The following GPRIN3 variants were observed in gnomAD, a reference collection of about 807,000 sequenced individuals.
The protein encoded by GPRIN3 is G protein-regulated inducer of neurite outgrowth 3.
A neutral mutation model predicts 13.7 loss-of-function variants in GPRIN3; 12 were observed. That is an observed-to-expected ratio of 0.87 (90% CI 0.56 to 1.42). The LOEUF (loss-of-function observed/expected upper bound fraction) is 1.42. GPRIN3 is among the 40% of genes most tolerant of loss of function. The pLI is 0.00. For synonymous variants in GPRIN3, 377 were observed against 372.7 expected (o/e 1.01, Z -0.13); for missense variants, 1,009 against 958.7 (o/e 1.05, Z -0.69).
chr4:89,305,837 T>C (rs1725019888), intron 1 of GPRIN3, among the ~76,000 whole-genome samples: 1 of 152,228 alleles, frequency 6.6e-6, no homozygotes, highest in African/African-American at 2.4e-5. Flanking sequence ...TGCCCTCCAA[T>C]TGACACTGAT....
Position 89,247,976 on chromosome 4 carries a change from T to C in GPRIN3, c.2135A>G (p.His712Arg). Residue 712 changes from histidine to arginine, a missense_variant, in exon 2 of 2, where the codon CAT (histidine) becomes CGT (arginine). Physicochemically the swap from His to Arg is conservative, Grantham distance 29. Transcript: ENST00000609438. ...AESLGIAIQN[H>R]LQRQIREHEK... is the part of the protein sequence containing the mutation. Reference sequence around the variant, plus strand: ...ATGTTCCCTGATTTGTCTTTGCAAATGGTTCTGGATCGCGATTCCCAGGGA... The same window carrying C: ...ATGTTCCCTGATTTGTCTTTGCAAACGGTTCTGGATCGCGATTCCCAGGGA... 6.2e-7 allele frequency: 1 copy of C among 1,614,174 alleles called. No individual in the cohort carries two copies. Among genetic ancestry groups the C allele is most frequent in the Non-Finnish European group, 8.5e-7 (1 of 1,180,014 alleles).
In GPRIN3 at chr4:89,241,351, T is replaced by A. The variant is rs1177055093; in HGVS notation, c.*6429A>T. ...CTGAATACAGAAATTGGCCTTTAAA[T>A]GGGATACGACAAGTTATTTTTTTTA... On this transcript the variant is annotated 3_prime_UTR_variant, in exon 2 of 2. Transcript: ENST00000609438. 1 of 152,162 alleles carries A rather than the reference T, an allele frequency of 6.6e-6. No individual in the cohort carries two copies. Among genetic ancestry groups the A allele is most frequent in the African/African-American group, 2.4e-5 (1 of 41,446 alleles). The allele number at this position is 152,162 out of a possible 1,614,324, so 9.4% of individuals were successfully genotyped here.
intron 1 of GPRIN3, among the ~76,000 whole-genome samples, chr4:89,254,444 C>T (rs1188488925): frequency 6.6e-6 from 1 of 152,044 alleles, no homozygotes; most frequent in East Asian, 1.9e-4. Flanking sequence ...TCCATGGGTT[C>T]TCATCATTTA....
intron 1 of GPRIN3, among the ~76,000 whole-genome samples, chr4:89,279,344 GCCATACC>G (rs1205864766): frequency 6.6e-6 from 1 of 152,042 alleles, no homozygotes; most frequent in African/African-American, 2.4e-5. Context: ...TGCCACCATG[GCCATACC>G]CTAACTGCTC....
chr4:89,296,569 C>T (rs755799795), intron 1 of GPRIN3, among the ~76,000 whole-genome samples: 7 of 152,120 alleles, frequency 4.6e-5, no homozygotes, highest in Non-Finnish European at 1.0e-4. Context: ...ACATCAATCA[C>T]GGAAACACTA....
intron 1 of GPRIN3, among the ~76,000 whole-genome samples, chr4:89,277,722 A>G (rs571041877): frequency 1.3e-5 from 2 of 152,282 alleles, no homozygotes; most frequent in Admixed American, 1.3e-4. Flanking sequence ...TCGTCACTGG[A>G]GTCCATCTAG....
intron 1 of GPRIN3, among the ~76,000 whole-genome samples, chr4:89,274,551 G>A (rs1724043414): frequency 6.6e-6 from 1 of 152,166 alleles, no homozygotes; most frequent in Non-Finnish European, 1.5e-5. Flanking sequence ...CAGTGTCCCT[G>A]AAGGCATGTC....
At position 89,236,462 on chromosome 4, in the gene GPRIN3, T is replaced by A. The variant is rs1258829209; in HGVS notation, c.*11318A>T. On this transcript the variant is annotated 3_prime_UTR_variant, in exon 2 of 2. Transcript: ENST00000609438. ...TTCAAGGCTTTTAACAATTGAGTGG[T>A]AAAGTTCAAGTGGAAGAAAGCAAAA... is the stretch of plus-strand genomic sequence containing the variant. 2 of 152,178 alleles carry A rather than the reference T, an allele frequency of 1.3e-5. No homozygotes were observed. The highest frequency in any genetic ancestry group is 2.9e-5 in the Non-Finnish European group (2 of 68,036). 9.4% of individuals were successfully genotyped at this position (152,178 alleles called of 1,614,324 possible).
Position 89,237,922 on chromosome 4 carries a change from A to C in GPRIN3, c.*9858T>G, listed in dbSNP as rs1722826134. 6.6e-6 allele frequency: 1 copy of C among 152,240 alleles called. No individual in the cohort carries two copies. The highest frequency in any genetic ancestry group is 2.1e-4 in the South Asian group (1 of 4,832). The allele number at this position is 152,240 out of a possible 1,614,324, so 9.4% of individuals were successfully genotyped here. On this transcript the variant is annotated 3_prime_UTR_variant, in exon 2 of 2. Coordinates refer to ENST00000609438, the MANE Select transcript of GPRIN3 (RefSeq NM_198281.3). The stretch of plus-strand genomic sequence containing the variant: ...TGAAACAAACACCCACTGGTGGGAC[A>C]TAAACAGCTATAGGCATAAGACAAA...
intron 1 of GPRIN3, among the ~76,000 whole-genome samples, chr4:89,305,399 G>C (rs920315392): frequency 1.3e-5 from 2 of 152,138 alleles, no homozygotes; most frequent in African/African-American, 4.8e-5. Context: ...TGCAGGCTGA[G>C]ACTATGTCTT....
chr4:89,270,315 T>C (rs1467051364), intron 1 of GPRIN3, among the ~76,000 whole-genome samples: 2 of 146,580 alleles, frequency 1.4e-5, no homozygotes, highest in Non-Finnish European at 3.0e-5. Context: ...AATTCTCTTT[T>C]ATGGCAAAAC....
At chr4:89,276,390 C>T (rs1724094641) in intron 1 of GPRIN3, among the ~76,000 whole-genome samples, 1 of 152,086 alleles carries the variant, frequency 6.6e-6, no homozygotes, top group African/African-American at 2.4e-5. Flanking sequence ...TTACAGACTC[C>T]TTTCATTAGT....
At chr4:89,288,149 G>A (rs62304748) in intron 1 of GPRIN3, among the ~76,000 whole-genome samples, 13 of 152,176 alleles carry the variant, frequency 8.5e-5, no homozygotes, top group Admixed American at 8.5e-4. Context: ...ATGTCCCTGA[G>A]CCGTGTCTGT....
intron 1 of GPRIN3, among the ~76,000 whole-genome samples, chr4:89,285,773 GTGTAT>G (rs2110008243): frequency 6.6e-6 from 1 of 152,286 alleles, no homozygotes; most frequent in East Asian, 1.9e-4. Flanking sequence ...AAGTAAATCA[GTGTAT>G]CCAAGAAGAA....
chr4:89,296,155 G>A (rs1453424646), intron 1 of GPRIN3, among the ~76,000 whole-genome samples: 1 of 152,214 alleles, frequency 6.6e-6, no homozygotes, highest in African/African-American at 2.4e-5. Context: ...GGAACAAAGA[G>A]TTTGAATTCT....
At chr4:89,268,133 C>T (rs925125089) in intron 1 of GPRIN3, among the ~76,000 whole-genome samples, 2 of 152,082 alleles carry the variant, frequency 1.3e-5, no homozygotes, top group African/African-American at 4.8e-5. Context: ...TCCAACAGAC[C>T]AGTGAAACAA....
At chr4:89,264,810 T>G (rs1361539335) in intron 1 of GPRIN3, among the ~76,000 whole-genome samples, 3 of 152,140 alleles carry the variant, frequency 2.0e-5, no homozygotes. Flanking sequence ...AATTACTATT[T>G]TTTTCCATAA....
At chr4:89,289,711 G>A (rs114844258) in intron 1 of GPRIN3, among the ~76,000 whole-genome samples, 1,621 of 152,200 alleles carry the variant, frequency 0.011, 15 homozygotes, top group Non-Finnish European at 0.018. Context: ...ACAACTGCCT[G>A]TACCTTCATG....
At position 89,248,967 on chromosome 4, in the gene GPRIN3, A is replaced by C. The variant is rs28622301; in HGVS notation, c.1144T>G (p.Ser382Ala). The stretch of plus-strand genomic sequence containing the variant: ...GGCATGATGCCAGGGCACTGGCTGG[A>C]CTCCTGGGGGGCTAGCGTGCTGTCA... ...LSDSTLAPQE[S>A]SQCPGIMPQV... Residue 382 changes from serine to alanine, a missense_variant, in exon 2 of 2, where the codon TCC (serine) becomes GCC (alanine). Physicochemically the swap from Ser to Ala is moderately conservative, Grantham distance 99. Coordinates refer to ENST00000609438, the MANE Select transcript of GPRIN3 (RefSeq NM_198281.3). The C allele has an allele frequency of 4.3e-6, 7 of 1,613,904 alleles. No individual in the cohort carries two copies. The highest frequency in any genetic ancestry group is 5.9e-6 in the Non-Finnish European group (7 of 1,179,956).
Sources: gnomAD v4.1 joint callset for allele counts (sites outside exome capture counted in the v4.1 genomes callset) on GRCh38, gnomAD v4.1.1 for gene constraint, MANE v1.5 for transcripts, NCBI Gene and HGNC (gene_info 2026-07-23, HGNC 2026-07-21) for gene names.